CLCN1: variants seen among roughly 807,000 people sequenced by gnomAD.
The protein encoded by CLCN1 is chloride channel protein 1.
In CLCN1, 100 loss-of-function variants were observed where a neutral mutation model predicts 114.5. The ratio of observed to expected loss-of-function variants is 0.87; its 90% CI spans 0.74 to 1.03. The LOEUF is 1.03. Among genes scored for constraint, CLCN1 ranks in the 50% least tolerant of loss-of-function variants. CLCN1 has a pLI of 0.00. For synonymous variants in CLCN1, 485 were observed against 487.1 expected, an observed-to-expected ratio of 1.00 and a Z score of 0.06; for missense variants, 1,188 against 1,250.0, an observed-to-expected ratio of 0.95 and a Z score of 0.75.
intron 12 of CLCN1, among the ~76,000 whole-genome samples, chr7:143,337,807 CTTTTTTTTTTTTTTTTTT>C (rs869078445): frequency 1.5e-4 from 7 of 46,074 alleles, no homozygotes; most frequent in Non-Finnish European, 2.0e-4. Context: ...TTTCTCAATT[CTTTTTTTTTTTTTTTTTT>C]TTTTTTTTTT....
chr7:143,346,363 G>C, intron 18 of CLCN1, 112 bp downstream of exon 18: 1 of 786,382 alleles, frequency 1.3e-6, no homozygotes, highest in Non-Finnish European at 2.2e-6. Flanking sequence ...TGGGGGGTGA[G>C]GCTGGGGGAT....
intron 5 of CLCN1, 114 bp from the exon 6 acceptor site, chr7:143,323,195 C>T (rs572841692): frequency 1.1e-5 from 8 of 733,836 alleles, no homozygotes; most frequent in African/African-American, 3.4e-5. Flanking sequence ...GTGTAACTCC[C>T]GTATTTCCAG....
chr7:143,340,942 G>A (rs1393387177), intron 14 of CLCN1, among the ~76,000 whole-genome samples: 1 of 152,088 alleles, frequency 6.6e-6, no homozygotes, highest in African/African-American at 2.4e-5. Context: ...GACTATTTTG[G>A]TTAGTGGAGA....
chr7:143,331,674 G>T lies in CLCN1; in HGVS notation c.1166+22G>T, dbSNP rs1802728648. On this transcript the variant is annotated intron_variant, in intron 10 of 22. Coordinates refer to ENST00000343257, the MANE Select transcript of CLCN1 (RefSeq NM_000083.3). ...AGCAGTGAGTCACTGCCCTTCTTTTGCCCTACCCATTTACTTTCTGGTTTC... is the reference window on the plus strand; with the variant it reads ...AGCAGTGAGTCACTGCCCTTCTTTTTCCCTACCCATTTACTTTCTGGTTTC... 6 of 1,530,648 alleles carry T rather than the reference G, an allele frequency of 3.9e-6. No homozygotes were observed. In the East Asian group the frequency reaches 1.3e-4, roughly 34 times the overall value. 94.8% of individuals were successfully genotyped at this position (1,530,648 alleles called of 1,614,324 possible).
rs1393734890 is a variant in CLCN1 at position 143,324,680 on chromosome 7, A to G, written c.853+188A>G. Among the ~76,000 whole-genome samples the G allele has an allele frequency of 6.6e-6, 1 of 152,220 alleles. No individual in the cohort carries two copies. Among genetic ancestry groups the G allele is most frequent in the Non-Finnish European group, 1.5e-5 (1 of 68,046 alleles). On this transcript the variant is annotated intron_variant, in intron 7 of 22. Coordinates refer to ENST00000343257, the MANE Select transcript of CLCN1 (RefSeq NM_000083.3). This position sits in a 1 kb window ranked among gnomAD's most constrained non-coding sequence, Gnocchi z 4.6. ...TTTTATTCCTGGCCAAAGCCATATG[A>G]GACAGATATTACAGAGGAGGAAGAG...
intron 7 of CLCN1, among the ~76,000 whole-genome samples, chr7:143,329,059 C>T (rs1039565855): frequency 5.7e-4 from 86 of 151,706 alleles, no homozygotes; most frequent in Admixed American, 5.6e-3. Flanking sequence ...CCTGCGTCTC[C>T]CGGGTTCAAG....
intron 18 of CLCN1, 101 bp downstream of exon 18, chr7:143,346,352 G>A (rs1803246467): frequency 1.2e-6 from 1 of 820,758 alleles, no homozygotes. Flanking sequence ...GCGGGGTGGG[G>A]TGGGGGGTGA....
At chr7:143,341,222 G>A (rs936642176) in intron 14 of CLCN1, among the ~76,000 whole-genome samples, 8 of 147,494 alleles carry the variant, frequency 5.4e-5, no homozygotes, top group Non-Finnish European at 1.2e-4. Flanking sequence ...AATACCTAAA[G>A]CCCAAGGTAA....
rs760397779 is a variant in CLCN1, at chr7:143,339,241, T to G, written c.1402-12T>G. On this transcript the variant is annotated splice_polypyrimidine_tract_variant and intron_variant, in intron 12 of 22. Coordinates refer to ENST00000343257, the MANE Select transcript of CLCN1 (RefSeq NM_000083.3). This position sits in a 1 kb window ranked among gnomAD's most constrained non-coding sequence, Gnocchi z 4.1. The stretch of plus-strand genomic sequence containing the variant: ...AGTTGAAAGGGTATTCCAACGCTTC[T>G]TTCTACTCCAGTTCTGGATGTCCAT... 1 of 1,583,932 alleles carries G rather than the reference T, an allele frequency of 6.3e-7. No individual in the cohort carries two copies. Among genetic ancestry groups the G allele is most frequent in the Admixed American group, 1.7e-5 (1 of 60,000 alleles).
Position 143,319,821 on chromosome 7 carries a change from G to C in CLCN1, c.247G>C (p.Gly83Arg). The stretch of plus-strand genomic sequence containing the variant: ...GGACATAGGGATGCCCAAGAAGACA[G>C]GCTCCAGTTCTACCGTGGACAGCAA... ...EQDIGMPKKTGSSSTVDSKDE... is the reference protein window; with the variant it reads ...EQDIGMPKKTRSSSTVDSKDE... The change falls in exon 2 of 23, where the codon GGC (glycine) becomes CGC (arginine). Residue 83 changes from glycine to arginine, a missense_variant. Coordinates refer to ENST00000343257, the MANE Select transcript of CLCN1 (RefSeq NM_000083.3). 1.2e-6 allele frequency: 2 copies of C among 1,613,786 alleles called. No individual in the cohort carries two copies. The highest frequency in any genetic ancestry group is 1.7e-6 in the Non-Finnish European group (2 of 1,179,710).
intron 7 of CLCN1, among the ~76,000 whole-genome samples, chr7:143,327,033 G>A (rs1802591777): frequency 6.6e-6 from 1 of 152,114 alleles, no homozygotes. Context: ...GGATCATGAG[G>A]TCAGGAGTTC....
chr7:143,318,814 C>T (rs1341216301), intron 1 of CLCN1, among the ~76,000 whole-genome samples: 1 of 152,224 alleles, frequency 6.6e-6, no homozygotes, highest in African/African-American at 2.4e-5. Flanking sequence ...ACACTGCCTC[C>T]CTCGGTCACT....
At chr7:143,319,927 T>G in intron 2 of CLCN1, 52 bp downstream of exon 2, 1 of 1,601,312 alleles carries the variant, frequency 6.2e-7, no homozygotes, top group Non-Finnish European at 8.6e-7. Flanking sequence ...GGTACAGGGA[T>G]TAGGAGAATA....
intron 7 of CLCN1, among the ~76,000 whole-genome samples, chr7:143,327,008 G>A (rs888836719): frequency 2.6e-5 from 4 of 152,120 alleles, no homozygotes; most frequent in Admixed American, 1.3e-4. Flanking sequence ...AGCACTTTGG[G>A]AGGCCAAGGC....
chr7:143,318,016 A>G (rs1039254646), intron 1 of CLCN1, among the ~76,000 whole-genome samples: 2 of 152,240 alleles, frequency 1.3e-5, no homozygotes, highest in South Asian at 2.1e-4. Flanking sequence ...CCTGTTTTCT[A>G]CAGGTCTCAA....
At chr7:143,344,489 A>G (rs1362808286) in intron 16 of CLCN1, among the ~76,000 whole-genome samples, 1 of 152,190 alleles carries the variant, frequency 6.6e-6, no homozygotes, top group African/African-American at 2.4e-5. Context: ...AATTAAATTA[A>G]TTCAAATATT....
In CLCN1 at chr7:143,323,285, G is replaced by A. The variant is rs777983935; in HGVS notation, c.697-24G>A. ...AGCCTCCATCTGGCCTCTGACCCCCGCCCCCTCGCTCCCCCTCTCCCAGGG... is the reference window on the plus strand; with the variant it reads ...AGCCTCCATCTGGCCTCTGACCCCCACCCCCTCGCTCCCCCTCTCCCAGGG... On this transcript the variant is annotated intron_variant, in intron 5 of 22. Transcript: ENST00000343257. 47 of 1,370,398 alleles carry A rather than the reference G, an allele frequency of 3.4e-5. No individual in the cohort carries two copies. In the Admixed American group the frequency reaches 5.2e-4, roughly 15 times the overall value. The allele number at this position is 1,370,398 out of a possible 1,614,324, so 84.9% of individuals were successfully genotyped here.
intron 16 of CLCN1, 107 bp from the exon 17 acceptor site, chr7:143,345,414 G>T (rs1479466738): frequency 7.4e-7 from 1 of 1,357,320 alleles, no homozygotes; most frequent in African/African-American, 1.5e-5. Context: ...AAGATGTGGG[G>T]ACGCCGGGCA....
At chr7:143,336,076 C>G (rs1236413339) in intron 12 of CLCN1, among the ~76,000 whole-genome samples, 1 of 152,096 alleles carries the variant, frequency 6.6e-6, no homozygotes, top group Non-Finnish European at 1.5e-5. Context: ...AGTATGAATA[C>G]CATTCCAAAT....
Sources: gnomAD v4.1 joint callset for allele counts (sites outside exome capture counted in the v4.1 genomes callset) on GRCh38, gnomAD v4.1.1 for gene constraint, Gnocchi (gnomAD v3.1) non-coding constraint, MANE v1.5 for transcripts, NCBI Gene and HGNC (gene_info 2026-07-23, HGNC 2026-07-21) for gene names.